The following KAT6B variants were observed in gnomAD, a reference collection of about 807,000 sequenced individuals.
KAT6B encodes the protein histone acetyltransferase KAT6B.
KAT6B carries 10 observed loss-of-function variants against 187.5 expected under a neutral mutation model. The ratio of observed to expected loss-of-function variants is 0.05; its 90% confidence interval spans 0.03 to 0.09. The LOEUF is 0.09. Among genes scored for constraint, KAT6B ranks in the 10% least tolerant of loss-of-function variants. KAT6B has a pLI of 1.00. For synonymous variants in KAT6B, 861 were observed against 926.8 expected (o/e 0.93, Z 1.29); for missense variants, 1,952 against 2,558.9 (o/e 0.76, Z 5.12).
intron 3 of KAT6B, among the ~76,000 whole-genome samples, chr10:74,886,395 A>G (rs992470779): frequency 2.6e-5 from 4 of 152,116 alleles, no homozygotes; most frequent in African/African-American, 9.7e-5. Flanking sequence ...CTTCACCCCC[A>G]CCTGCATCCC....
chr10:75,000,585 A>G (rs1482940380), intron 13 of KAT6B, among the ~76,000 whole-genome samples: 1 of 152,194 alleles, frequency 6.6e-6, no homozygotes, highest in African/African-American at 2.4e-5. Context: ...TAGTTTTTAG[A>G]GACCAGATAA....
intron 13 of KAT6B, among the ~76,000 whole-genome samples, chr10:74,989,731 G>A (rs1381248981): frequency 6.6e-6 from 1 of 151,700 alleles, no homozygotes; most frequent in Admixed American, 6.6e-5. Flanking sequence ...ATATATAAAA[G>A]TATGCACATG....
In KAT6B at chr10:75,022,219, C is replaced by T; in HGVS notation, c.3360C>T (p.Ala1120=). 1 of 1,613,080 alleles carries T rather than the reference C, an allele frequency of 6.2e-7. No homozygotes were observed. Among genetic ancestry groups the T allele is most frequent in the East Asian group, 2.2e-5 (1 of 44,878 alleles). ...GATTGACGAAACCACAGTCAGTTGCCATAAAGAGAAAGGTAGGTGTCTGTT... is the reference window on the plus strand; with the variant it reads ...GATTGACGAAACCACAGTCAGTTGCTATAAAGAGAAAGGTAGGTGTCTGTT... ...PPRLTKPQSV[A]IKRKRPFVLK... The change falls in exon 16 of 18, where the codon GCC becomes GCT. Residue 1120 remains alanine (A), a synonymous_variant. Transcript: ENST00000287239.
chr10:74,857,970 C>T (rs1484526342), intron 3 of KAT6B, among the ~76,000 whole-genome samples: 1 of 152,024 alleles, frequency 6.6e-6, no homozygotes, highest in Non-Finnish European at 1.5e-5. Flanking sequence ...TGTAAGTGAG[C>T]TATGATCGTG....
rs114006434 is a variant in KAT6B, at chr10:74,901,955, A to G, written c.622-58015A>G. On this transcript the variant is annotated intron_variant, in intron 3 of 17. Coordinates refer to ENST00000287239, the MANE Select transcript of KAT6B (RefSeq NM_012330.4). ...GAGAGCTGGAAACTTGTCAGAAATC[A>G]AAGAAGTGCTAGGAGGACTGCATAC... 5.3e-3 allele frequency among the ~76,000 whole-genome samples: 814 copies of G among 152,306 alleles called. 1 individual carries two copies. Among genetic ancestry groups the G allele is most frequent in the African/African-American group, 0.018 (759 of 41,570 alleles).
chr10:74,922,508 G>A (rs962850493), intron 3 of KAT6B, among the ~76,000 whole-genome samples: 2 of 152,194 alleles, frequency 1.3e-5, no homozygotes, highest in Non-Finnish European at 2.9e-5. Flanking sequence ...CTTTACCAGA[G>A]CATTTTAGCA....
intron 3 of KAT6B, among the ~76,000 whole-genome samples, chr10:74,873,450 AAAATAAATAAATAAAT>A (rs143022282): frequency 6.7e-6 from 1 of 149,450 alleles, no homozygotes; most frequent in African/African-American, 2.5e-5. Context: ...GAGCAGCAGC[AAAATAAATAAATAAAT>A]AAATAAATAA....
chr10:74,845,072 A>G (rs1236925237), intron 3 of KAT6B, among the ~76,000 whole-genome samples: 1 of 152,086 alleles, frequency 6.6e-6, no homozygotes, highest in African/African-American at 2.4e-5. Flanking sequence ...TCAAAGAATT[A>G]GCCAGGCTTG....
intron 3 of KAT6B, among the ~76,000 whole-genome samples, chr10:74,847,620 C>T (rs900617551): frequency 2.0e-5 from 3 of 151,820 alleles, no homozygotes; most frequent in South Asian, 2.1e-4. Context: ...GCCGAGATTG[C>T]GCCATTGCAT....
At chr10:74,996,659 C>G (rs565706227) in intron 13 of KAT6B, among the ~76,000 whole-genome samples, 125 of 151,488 alleles carry the variant, frequency 8.3e-4, no homozygotes, top group African/African-American at 2.9e-3. Flanking sequence ...GTCCCAGCTA[C>G]TCGGGAGGCT....
chr10:74,839,157 C>CA (rs112661788), intron 2 of KAT6B, among the ~76,000 whole-genome samples: 2,158 of 117,464 alleles, frequency 0.018, 50 homozygotes, highest in African/African-American at 0.058. Flanking sequence ...CTGTGCCCCC[C>CA]AAAAAAAAAA....
chr10:74,835,200 C>T (rs570632199), intron 1 of KAT6B, among the ~76,000 whole-genome samples: 1 of 152,312 alleles, frequency 6.6e-6, no homozygotes, highest in African/African-American at 2.4e-5. Flanking sequence ...GTTGTTTGCA[C>T]TGGGCCATGA....
chr10:74,964,345 C>T (rs1841311347), intron 4 of KAT6B, among the ~76,000 whole-genome samples: 1 of 152,196 alleles, frequency 6.6e-6, no homozygotes, highest in African/African-American at 2.4e-5. Context: ...ATCTTTTAAT[C>T]CACACCAAAT....
At chr10:75,027,649 T>A (rs951790267) in intron 17 of KAT6B, among the ~76,000 whole-genome samples, 1 of 151,978 alleles carries the variant, frequency 6.6e-6, no homozygotes, top group African/African-American at 2.4e-5. Context: ...ATATTTACAT[T>A]TATATTAACA....
intron 4 of KAT6B, among the ~76,000 whole-genome samples, chr10:74,967,297 T>C (rs1324239820): frequency 6.7e-6 from 1 of 149,220 alleles, no homozygotes; most frequent in Non-Finnish European, 1.5e-5. Context: ...GCCACTGCAC[T>C]CCAGCCTGGG....
intron 3 of KAT6B, among the ~76,000 whole-genome samples, chr10:74,886,369 C>T (rs528189271): frequency 2.6e-5 from 4 of 152,298 alleles, no homozygotes; most frequent in Non-Finnish European, 5.9e-5. Flanking sequence ...GCAGGGACAC[C>T]TGGACACAGA....
chr10:74,981,341 T>TCCTC (rs1842502993), intron 10 of KAT6B, among the ~76,000 whole-genome samples: 1 of 148,842 alleles, frequency 6.7e-6, no homozygotes, highest in Admixed American at 6.6e-5. Context: ...CTTCCTTCCT[T>TCCTC]TCTTCCTTTC....
chr10:74,989,007 T>C lies in KAT6B; in HGVS notation c.2536-12T>C. On this transcript the variant is annotated splice_polypyrimidine_tract_variant and intron_variant, in intron 12 of 17. Coordinates refer to ENST00000287239, the MANE Select transcript of KAT6B (RefSeq NM_012330.4). Reference sequence around the variant, plus strand: ...GGCTCTGACATACTTGATCTGTTTCTCCTTCCCTCAGGAAAAGCTTTGCCA... The same window carrying C: ...GGCTCTGACATACTTGATCTGTTTCCCCTTCCCTCAGGAAAAGCTTTGCCA... The C allele has an allele frequency of 6.3e-7, 1 of 1,591,602 alleles. No homozygotes were observed. Among genetic ancestry groups the C allele is most frequent in the Non-Finnish European group, 8.6e-7 (1 of 1,159,476 alleles).
intron 3 of KAT6B, among the ~76,000 whole-genome samples, chr10:74,862,393 A>G (rs550084298): frequency 2.6e-5 from 4 of 152,256 alleles, no homozygotes; most frequent in African/African-American, 7.2e-5. Flanking sequence ...GACCTAGGCC[A>G]GTGGTTCCCA....
Sources: allele counts gnomAD v4.1 joint callset (sites outside exome capture counted in the v4.1 genomes callset), GRCh38; gene constraint gnomAD v4.1.1; transcripts MANE v1.5; gene names NCBI Gene and HGNC (gene_info 2026-07-23, HGNC 2026-07-21).